Variants in SLC9B1 observed in about 807,000 individuals in gnomAD.
The protein encoded by SLC9B1 is solute carrier family 9 member B1.
SLC9B1 carries 32 observed loss-of-function variants against 51.7 expected under a neutral mutation model. That is an observed-to-expected ratio of 0.62 (90% CI 0.47 to 0.83). The LOEUF is 0.83. Among genes scored for constraint, SLC9B1 ranks in the 40% least tolerant of loss-of-function variants. The pLI is 0.00. For missense variants in SLC9B1, 406 were observed against 613.2 expected (o/e 0.66, Z 3.57); for synonymous variants, 145 against 212.7 (o/e 0.68, Z 2.77).
chr4:102,994,266 C>G (rs1423174957), intron 1 of SLC9B1, among the ~76,000 whole-genome samples: 11 of 152,142 alleles, frequency 7.2e-5, no homozygotes. Context: ...TAAATTATCA[C>G]TCTCAAGTTC....
chr4:102,998,048 A>T (rs962031246), intron 1 of SLC9B1, among the ~76,000 whole-genome samples: 1 of 152,186 alleles, frequency 6.6e-6, no homozygotes, highest in African/African-American at 2.4e-5. Flanking sequence ...ACTTTAAAGT[A>T]TATAGTTCCA....
chr4:102,959,352 G>T (rs1266512773), intron 3 of SLC9B1, among the ~76,000 whole-genome samples: 1 of 152,038 alleles, frequency 6.6e-6, no homozygotes, highest in African/African-American at 2.4e-5. Flanking sequence ...TTTATTATCT[G>T]TAAAATGGGG....
At chr4:102,903,838 T>G (rs1734900508) in intron 11 of SLC9B1, among the ~76,000 whole-genome samples, 1 of 152,196 alleles carries the variant, frequency 6.6e-6, no homozygotes, top group Non-Finnish European at 1.5e-5. Flanking sequence ...AGGCACTGTG[T>G]TAAGTGCCAG....
At chr4:102,993,663 T>C (rs4455415) in intron 1 of SLC9B1, among the ~76,000 whole-genome samples, 88,138 of 152,108 alleles carry the variant, frequency 0.58, 26,916 homozygotes, top group African/African-American at 0.79. Context: ...CCCACATTTT[T>C]CCTTTGCACT....
intron 3 of SLC9B1, among the ~76,000 whole-genome samples, chr4:102,964,397 A>G (rs889820054): frequency 2.0e-5 from 3 of 151,866 alleles, no homozygotes; most frequent in African/African-American, 7.3e-5. Flanking sequence ...CAAAAACTTT[A>G]TTAAGCAAAT....
intron 11 of SLC9B1, among the ~76,000 whole-genome samples, chr4:102,904,517 T>G (rs1215544795): frequency 6.6e-6 from 1 of 152,164 alleles, no homozygotes; most frequent in Non-Finnish European, 1.5e-5. Flanking sequence ...ACTTTTTAAT[T>G]TCAAAAGAAT....
chr4:103,010,759 T>C (rs961285146), intron 1 of SLC9B1, among the ~76,000 whole-genome samples: 3 of 152,180 alleles, frequency 2.0e-5, no homozygotes, highest in East Asian at 3.9e-4. Flanking sequence ...ACTTATTTTA[T>C]AAGGGCATTA....
chr4:103,005,261 T>TAA lies in SLC9B1; in HGVS notation c.-1-13551_-1-13550dup, dbSNP rs111991015. ...ATAGAGAAAAATCTACCAAGCAAATTAAAAAAAAAAAAAAAACCAGAAAAA... is the reference window on the plus strand; with the variant it reads ...ATAGAGAAAAATCTACCAAGCAAATTAAAAAAAAAAAAAAAAAACCAGAAAAA... On this transcript the variant is annotated intron_variant, in intron 1 of 11. Coordinates refer to ENST00000296422, the MANE Select transcript of SLC9B1 (RefSeq NM_139173.4). Among the ~76,000 whole-genome samples, 92 of 135,638 alleles carry TAA rather than the reference T, an allele frequency of 6.8e-4. 1 individual carries two copies. Among genetic ancestry groups the TAA allele is most frequent in the African/African-American group, 2.3e-3 (87 of 38,200 alleles). The allele number at this position is 135,638 out of a possible 152,430, so 89.0% of individuals were successfully genotyped here. A position where few individuals can be genotyped will look rare whatever the true frequency, so the allele number is the denominator to read the frequency against.
At chr4:102,934,360 T>C (rs1736610335) in intron 6 of SLC9B1, among the ~76,000 whole-genome samples, 1 of 152,206 alleles carries the variant, frequency 6.6e-6, no homozygotes, top group African/African-American at 2.4e-5. Context: ...ATTTGTTACA[T>C]CATACAATTG....
intron 3 of SLC9B1, among the ~76,000 whole-genome samples, chr4:102,976,563 ATGT>A (rs1739080591): frequency 6.6e-6 from 1 of 152,238 alleles, no homozygotes; most frequent in South Asian, 2.1e-4. Context: ...AAAGACAGAA[ATGT>A]TGTACAAATT....
intron 1 of SLC9B1, among the ~76,000 whole-genome samples, chr4:103,005,668 C>T (rs1740744997): frequency 6.6e-6 from 1 of 152,124 alleles, no homozygotes; most frequent in Non-Finnish European, 1.5e-5. Context: ...TTCTCATCTG[C>T]ACATGGCACA....
In SLC9B1 at chr4:102,905,566, A is replaced by C; in HGVS notation, c.1280T>G (p.Phe427Cys). The C allele has an allele frequency of 6.2e-7, 1 of 1,611,300 alleles. No homozygotes were observed. The highest frequency in any genetic ancestry group is 8.5e-7 in the Non-Finnish European group (1 of 1,179,356). ...TAAAGCAATAAATATTTTCTCCTTA[A>C]AACTAAAACCAGCAAAGCACATCAA... The part of the protein sequence containing the change: ...YLLMCFAGFS[F>C]KEKIFIALAW... The change falls in exon 11 of 12, where the codon TTT (phenylalanine) becomes TGT (cysteine). Residue 427 changes from phenylalanine (F) to cysteine (C), a missense_variant. By Grantham distance (205) the Phe-to-Cys change is radical (BLOSUM62 -2). This residue lies in a region of SLC9B1 where 4 missense variants were observed against 26.5 expected (regional missense o/e 0.15). Coordinates refer to ENST00000296422, the MANE Select transcript of SLC9B1 (RefSeq NM_139173.4).
At chr4:102,993,995 A>C (rs930093449) in intron 1 of SLC9B1, among the ~76,000 whole-genome samples, 1 of 152,000 alleles carries the variant, frequency 6.6e-6, no homozygotes, top group Non-Finnish European at 1.5e-5. Context: ...TTTCCCTCCT[A>C]GGTCTCCAGG....
intron 6 of SLC9B1, chr4:102,941,412 T>A (rs1278108346): frequency 4.4e-6 from 2 of 452,102 alleles, no homozygotes; most frequent in African/African-American, 4.0e-5. Context: ...ATCACTAACA[T>A]TAGAGAAATG....
chr4:102,911,997 G>T (rs1735360702), intron 7 of SLC9B1: 1 of 198,466 alleles, frequency 5.0e-6, no homozygotes, highest in Non-Finnish European at 1.1e-5. Context: ...GCTGGGCATG[G>T]TGGCACACAC....
intron 1 of SLC9B1, among the ~76,000 whole-genome samples, chr4:103,013,111 C>A (rs958223221): frequency 6.6e-6 from 1 of 152,128 alleles, no homozygotes; most frequent in Non-Finnish European, 1.5e-5. Flanking sequence ...ACAAAGCTAC[C>A]AAAAACTTAC....
chr4:102,990,496 G>A (rs886481173), intron 2 of SLC9B1, among the ~76,000 whole-genome samples: 2 of 151,944 alleles, frequency 1.3e-5, no homozygotes, highest in Non-Finnish European at 2.9e-5. Context: ...GCCTGATTAT[G>A]AAACTGCTGA....
chr4:102,938,007 A>G (rs1390755528), intron 6 of SLC9B1, among the ~76,000 whole-genome samples: 5 of 152,162 alleles, frequency 3.3e-5, no homozygotes, highest in Admixed American at 3.3e-4. Context: ...TAATGACAGG[A>G]CCAAAGCTAT....
intron 4 of SLC9B1, among the ~76,000 whole-genome samples, chr4:102,947,330 A>C (rs1313154814): frequency 6.6e-6 from 1 of 152,196 alleles, no homozygotes; most frequent in Non-Finnish European, 1.5e-5. Flanking sequence ...TACAGAAGGG[A>C]CAGCAGAGAT....
Sources: gnomAD v4.1 joint callset for allele counts (sites outside exome capture counted in the v4.1 genomes callset) on GRCh38, gnomAD v4.1.1 for gene constraint, gnomAD v4.1.1 regional missense constraint, MANE v1.5 for transcripts, NCBI Gene and HGNC (gene_info 2026-07-23, HGNC 2026-07-21) for gene names.